The following CORO2B variants were observed in gnomAD, a reference collection of about 807,000 sequenced individuals.
The protein encoded by CORO2B is coronin 2B, also known as coronin-2B.
CORO2B carries 26 observed loss-of-function variants against 58.8 expected under a neutral mutation model. The ratio of observed to expected loss-of-function variants is 0.44; its 90% CI spans 0.32 to 0.61. The LOEUF (loss-of-function observed/expected upper bound fraction) is 0.61, where lower values mean the gene tolerates loss of function less well. CORO2B is among the 20% of genes least tolerant of loss of function. The pLI, the probability that CORO2B is intolerant of heterozygous loss-of-function variation, is 0.04. For missense variants in CORO2B, 460 were observed against 645.1 expected, an observed-to-expected ratio of 0.71 and a Z score of 3.11; for synonymous variants, 242 against 253.8, an observed-to-expected ratio of 0.95 and a Z score of 0.44.
chr15:68,722,558 G>A (rs1183501599), intron 11 of CORO2B, among the ~76,000 whole-genome samples: 3 of 152,172 alleles, frequency 2.0e-5, no homozygotes, highest in East Asian at 1.9e-4. Context: ...TTTATGGTGT[G>A]TGAATTACAC....
At chr15:68,667,867 C>G (rs1902246004) in intron 2 of CORO2B, among the ~76,000 whole-genome samples, 1 of 152,178 alleles carries the variant, frequency 6.6e-6, no homozygotes, top group Non-Finnish European at 1.5e-5. Context: ...AGACCATGGG[C>G]TTCGGGACCT....
chr15:68,563,359 G>A, the CORO2B span, among the ~76,000 whole-genome samples: 29 of 151,664 alleles, frequency 1.9e-4, no homozygotes, highest in African/African-American at 5.1e-4. Context: ...GCGTATTGGC[G>A]TGTGCCTGTA....
intron 3 of CORO2B, among the ~76,000 whole-genome samples, chr15:68,707,652 C>A (rs1352268407): frequency 6.6e-6 from 1 of 152,146 alleles, no homozygotes; most frequent in Non-Finnish European, 1.5e-5. Context: ...GTAATAGTAT[C>A]CCTTCTGGGT....
intron 1 of CORO2B, among the ~76,000 whole-genome samples, chr15:68,593,464 A>G (rs1899752231): frequency 6.6e-6 from 1 of 152,222 alleles, no homozygotes; most frequent in Non-Finnish European, 1.5e-5. Context: ...ATTCTCTAGC[A>G]GCCAGGTCTG....
chr15:68,545,913 A>G, the CORO2B span, among the ~76,000 whole-genome samples: 6 of 152,316 alleles, frequency 3.9e-5, 1 homozygote, highest in African/African-American at 1.4e-4. Flanking sequence ...GTCAAGGCCA[A>G]TGGCACTCAG....
In CORO2B at chr15:68,642,687, C is replaced by T. The variant is rs183254649; in HGVS notation, c.16-2473C>T. On this transcript the variant is annotated intron_variant, in intron 1 of 11. Coordinates refer to ENST00000261861, the MANE Select transcript of CORO2B (RefSeq NM_006091.5). Reference sequence around the variant, plus strand: ...CACTTCCTGCCATCACAGAGCAGTGCCCCACCCCCAGGATGGAAGAGGCTA... The same window carrying T: ...CACTTCCTGCCATCACAGAGCAGTGTCCCACCCCCAGGATGGAAGAGGCTA... Among the ~76,000 whole-genome samples the T allele has an allele frequency of 5.9e-5, 9 of 152,246 alleles. No individual in the cohort carries two copies. In the East Asian group the frequency reaches 1.7e-3, roughly 29 times the overall value.
At chr15:68,538,321 A>G in the CORO2B span, among the ~76,000 whole-genome samples, 1 of 152,208 alleles carries the variant, frequency 6.6e-6, no homozygotes, top group African/African-American at 2.4e-5. Flanking sequence ...GCATAAAATA[A>G]TGTATATTTT....
intron 1 of CORO2B, among the ~76,000 whole-genome samples, chr15:68,627,442 T>A (rs1418723399): frequency 1.3e-5 from 2 of 151,280 alleles, no homozygotes; most frequent in African/African-American, 4.9e-5. Context: ...TCAGGGAAGG[T>A]GTGTGTTGGG....
chr15:68,529,494 T>G, the CORO2B span, among the ~76,000 whole-genome samples: 1 of 152,212 alleles, frequency 6.6e-6, no homozygotes, highest in Non-Finnish European at 1.5e-5. Context: ...TTCATCTAAG[T>G]TGTTGATTTT....
At chr15:68,608,285 C>T (rs554169012) in intron 1 of CORO2B, among the ~76,000 whole-genome samples, 3 of 152,342 alleles carry the variant, frequency 2.0e-5, no homozygotes, top group South Asian at 2.1e-4. Flanking sequence ...TGGCTGGCTG[C>T]GCATGGCCAG....
At chr15:68,577,923 C>G (rs1181760024), upstream of CORO2B, among the ~76,000 whole-genome samples, 1 of 152,038 alleles carries the variant, frequency 6.6e-6, no homozygotes, top group East Asian at 1.9e-4. Context: ...TGAATTGCAC[C>G]GGTAATTACC....
At chr15:68,714,492 C>A in intron 6 of CORO2B, 67 bp from the exon 7 acceptor site, 1 of 1,250,870 alleles carries the variant, frequency 8.0e-7, no homozygotes, top group Non-Finnish European at 1.2e-6. Flanking sequence ...AAGAGGCCTT[C>A]CTGGGATTTG....
At chr15:68,696,651 G>A (rs552391144) in intron 3 of CORO2B, among the ~76,000 whole-genome samples, 29 of 152,106 alleles carry the variant, frequency 1.9e-4, no homozygotes, top group Non-Finnish European at 3.2e-4. Context: ...CACCAGTGGA[G>A]GTAGGGTCAG....
At chr15:68,598,089 C>T (rs923379327) in intron 1 of CORO2B, among the ~76,000 whole-genome samples, 2 of 152,238 alleles carry the variant, frequency 1.3e-5, no homozygotes, top group Non-Finnish European at 2.9e-5. Flanking sequence ...CCCTCCACCA[C>T]CTGGATCATC....
chr15:68,648,575 A>G lies in CORO2B; in HGVS notation c.216+3215A>G, dbSNP rs186243737. Among the ~76,000 whole-genome samples the G allele has an allele frequency of 4.5e-3, 686 of 152,146 alleles. 2 individuals are homozygous for G. The highest frequency in any genetic ancestry group is 0.026 in the South Asian group (124 of 4,806). On this transcript the variant is annotated intron_variant, in intron 2 of 11. Transcript: ENST00000261861. ...TGAGGTGGGAGAATGGTGTGAACCC[A>G]GGAGGTGGAGCTTGCAGTGAGCCAA... is the stretch of plus-strand genomic sequence containing the variant.
At chr15:68,599,957 CCACCCCTTG>C (rs1485720489) in intron 1 of CORO2B, among the ~76,000 whole-genome samples, 1 of 152,194 alleles carries the variant, frequency 6.6e-6, no homozygotes, top group African/African-American at 2.4e-5. Flanking sequence ...CATGCCCCTC[CCACCCCTTG>C]GTGTGGACTG....
intron 2 of CORO2B, among the ~76,000 whole-genome samples, chr15:68,691,314 C>T (rs111909510): frequency 0.64 from 63,758 of 99,638 alleles, 22,388 homozygotes; most frequent in East Asian, 0.94. Context: ...TGGGAGACAG[C>T]GAGACTCCGT....
the CORO2B span, among the ~76,000 whole-genome samples, chr15:68,568,950 G>A: frequency 6.6e-6 from 1 of 152,034 alleles, no homozygotes; most frequent in Non-Finnish European, 1.5e-5. Context: ...TAACAAACCT[G>A]CACGTTCTGC....
chr15:68,581,433 C>T (rs748685013), intron 1 of CORO2B, among the ~76,000 whole-genome samples: 4 of 152,184 alleles, frequency 2.6e-5, no homozygotes, highest in Non-Finnish European at 4.4e-5. Flanking sequence ...TCTACAAGCC[C>T]GCTGGTAGTA....
Sources: allele counts gnomAD v4.1 joint callset (sites outside exome capture counted in the v4.1 genomes callset), GRCh38; gene constraint gnomAD v4.1.1; transcripts MANE v1.5; gene names NCBI Gene and HGNC (gene_info 2026-07-23, HGNC 2026-07-21).